The following ADGRV1 variants were observed in gnomAD, a reference collection of about 807,000 sequenced individuals.
ADGRV1 encodes adhesion G protein-coupled receptor V1.
Under a neutral mutation model 596.2 loss-of-function variants are expected in ADGRV1, and 359 were observed. The ratio of observed to expected loss-of-function variants is 0.60; its 90% CI spans 0.55 to 0.66. ADGRV1 has a LOEUF of 0.66. Among genes scored for constraint, ADGRV1 ranks in the 30% least tolerant of loss-of-function variants. The pLI is 0.00. For synonymous variants in ADGRV1, 2,681 were observed against 2,679.2 expected, an observed-to-expected ratio of 1.00 and a Z score of -0.02; for missense variants, 7,274 against 7,575.6, an observed-to-expected ratio of 0.96 and a Z score of 1.48.
At chr5:90,881,128 A>C (rs370014066) in intron 83 of ADGRV1, among the ~76,000 whole-genome samples, 1 of 152,236 alleles carries the variant, frequency 6.6e-6, no homozygotes, top group Non-Finnish European at 1.5e-5. Context: ...TTCATTGTGC[A>C]TCTCATCTTT....
At chr5:90,632,390 A>C (rs887349126) in intron 9 of ADGRV1, among the ~76,000 whole-genome samples, 2 of 152,188 alleles carry the variant, frequency 1.3e-5, no homozygotes, top group African/African-American at 4.8e-5. Context: ...TTTTGTTATC[A>C]TTTGAGCTTT....
At chr5:91,042,441 A>G (rs938127520) in intron 85 of ADGRV1, among the ~76,000 whole-genome samples, 1 of 152,210 alleles carries the variant, frequency 6.6e-6, no homozygotes, top group Non-Finnish European at 1.5e-5. Flanking sequence ...CAAATGTTAT[A>G]TTGCCTAAGC....
rs576640534 is a variant in ADGRV1 at position 90,951,212 on chromosome 5, G to T, written c.17857-14203G>T. Among the ~76,000 whole-genome samples the T allele has an allele frequency of 3.7e-4, 57 of 152,316 alleles. 1 individual carries two copies. The South Asian group carries it at 0.012, about 32-fold the overall frequency. On this transcript the variant is annotated intron_variant, in intron 83 of 89. Coordinates refer to ENST00000405460, the MANE Select transcript of ADGRV1 (RefSeq NM_032119.4). Reference sequence around the variant, plus strand: ...TAGGTAGTTTCTGCCTGCTAGGGAAGAACTAGTTTAATTGGATTGTAGAGA... The same window carrying T: ...TAGGTAGTTTCTGCCTGCTAGGGAATAACTAGTTTAATTGGATTGTAGAGA...
intron 30 of ADGRV1, 118 bp from the exon 31 acceptor site, chr5:90,690,679 T>A (rs1746352271): frequency 9.7e-7 from 1 of 1,034,390 alleles, no homozygotes; most frequent in African/African-American, 1.6e-5. Context: ...TTTTTGTGGG[T>A]TATAGCTACT....
Position 90,702,302 on chromosome 5 carries a change from A to T in ADGRV1, c.8156-1363A>T, listed in dbSNP as rs117387566. Among the ~76,000 whole-genome samples the T allele has an allele frequency of 8.9e-4, 136 of 152,002 alleles. 5 individuals carry two copies. In the East Asian group the frequency reaches 0.024, roughly 27 times the overall value. On this transcript the variant is annotated intron_variant, in intron 34 of 89. Transcript: ENST00000405460. ...CCAATCTTTGGACAATCTGATCTAG[A>T]AATTCCTGTGCTTTTAAAAGATAAA...
chr5:90,982,597 C>A (rs1173295836), intron 84 of ADGRV1, among the ~76,000 whole-genome samples: 1 of 152,154 alleles, frequency 6.6e-6, no homozygotes, highest in Non-Finnish European at 1.5e-5. Flanking sequence ...ACAGTTAGAC[C>A]TCACAGGGAC....
intron 50 of ADGRV1, among the ~76,000 whole-genome samples, chr5:90,733,461 C>T (rs550835260): frequency 3.9e-5 from 6 of 152,152 alleles, no homozygotes; most frequent in African/African-American, 1.4e-4. Context: ...TTAAAGTGTA[C>T]AAAGTAAATG....
chr5:91,064,969 G>A (rs1330612489), intron 85 of ADGRV1, among the ~76,000 whole-genome samples: 2 of 152,172 alleles, frequency 1.3e-5, no homozygotes, highest in Non-Finnish European at 2.9e-5. Flanking sequence ...TGTAAATTGA[G>A]TATACAAGGA....
At chr5:90,926,488 T>C (rs1774472444) in intron 83 of ADGRV1, among the ~76,000 whole-genome samples, 2 of 150,980 alleles carry the variant, frequency 1.3e-5, no homozygotes, top group South Asian at 4.2e-4. Flanking sequence ...ATCCCCTTTA[T>C]CATTTTTTAT....
At position 90,778,442 on chromosome 5, in the gene ADGRV1, A is replaced by G. The variant is rs532836800; in HGVS notation, c.12682A>G (p.Ile4228Val). Residue 4228 changes from isoleucine to valine, a missense_variant, in exon 63 of 90, where the codon ATT becomes GTT. Coordinates refer to ENST00000405460, the MANE Select transcript of ADGRV1 (RefSeq NM_032119.4). Reference protein sequence around the residue: ...IVVIQALNDDIPEEKSFYEFQ... With the variant: ...IVVIQALNDDVPEEKSFYEFQ... ...CTTTTTCTAGGCTTTGAACGATGAC[A>G]TTCCCGAGGAAAAAAGCTTCTATGA... 29 of 1,612,748 alleles carry G rather than the reference A, an allele frequency of 1.8e-5. No individual in the cohort carries two copies. The East Asian group carries it at 5.8e-4, about 32-fold the overall frequency.
chr5:90,580,653 TTAGTCC>T (rs1395601166), intron 1 of ADGRV1, among the ~76,000 whole-genome samples: 1 of 152,226 alleles, frequency 6.6e-6, no homozygotes, highest in Non-Finnish European at 1.5e-5. Flanking sequence ...AGATCCGCTG[TTAGTCC>T]GATGGACTTC....
intron 85 of ADGRV1, among the ~76,000 whole-genome samples, chr5:91,032,615 A>G (rs530289645): frequency 3.0e-4 from 45 of 152,028 alleles, no homozygotes; most frequent in Admixed American, 8.5e-4. Flanking sequence ...TCTCTTAATT[A>G]TATAATTTAT....
At chr5:91,157,840 C>G (rs1417052045) in intron 89 of ADGRV1, among the ~76,000 whole-genome samples, 3 of 152,186 alleles carry the variant, frequency 2.0e-5, no homozygotes, top group Non-Finnish European at 2.9e-5. Flanking sequence ...CCCATACTAT[C>G]TTGTACTCCT....
chr5:90,756,427 A>G (rs925422514), intron 55 of ADGRV1, 27 bp from the exon 56 acceptor site: 1 of 1,443,716 alleles, frequency 6.9e-7, no homozygotes, highest in Admixed American at 2.5e-5. Context: ...AAAAAATGAA[A>G]CACCATCTTT....
chr5:90,770,419 G>A (rs1757569318), intron 59 of ADGRV1, among the ~76,000 whole-genome samples: 2 of 152,118 alleles, frequency 1.3e-5, no homozygotes, highest in African/African-American at 4.8e-5. Context: ...CACCCACTTT[G>A]TGGTACTTCT....
chr5:90,703,487 G>C (rs1248449648), intron 34 of ADGRV1, among the ~76,000 whole-genome samples, 178 bp from the exon 35 acceptor site: 1 of 152,006 alleles, frequency 6.6e-6, no homozygotes, highest in Non-Finnish European at 1.5e-5. Flanking sequence ...TTTAGAAGTG[G>C]GGATAATAAA....
At chr5:91,100,817 A>G (rs555320459) in intron 86 of ADGRV1, among the ~76,000 whole-genome samples, 1 of 152,212 alleles carries the variant, frequency 6.6e-6, no homozygotes, top group Admixed American at 6.5e-5. Context: ...AGATGAACTC[A>G]GCATCCCTTC....
chr5:90,937,019 T>A (rs1255925932), intron 83 of ADGRV1, among the ~76,000 whole-genome samples: 1 of 152,160 alleles, frequency 6.6e-6, no homozygotes, highest in Non-Finnish European at 1.5e-5. Context: ...CCATCTGTTG[T>A]AACCAGTAAG....
intron 83 of ADGRV1, among the ~76,000 whole-genome samples, chr5:90,937,519 G>A (rs904447488): frequency 1.4e-5 from 2 of 147,542 alleles, no homozygotes; most frequent in South Asian, 4.3e-4. Context: ...GTGCAGTGGC[G>A]TGATCGCGGC....
Sources: allele counts gnomAD v4.1 joint callset (sites outside exome capture counted in the v4.1 genomes callset), GRCh38; gene constraint gnomAD v4.1.1; transcripts MANE v1.5; gene names NCBI Gene and HGNC (gene_info 2026-07-23, HGNC 2026-07-21).